The following SLAIN1 variants were observed in gnomAD, a reference collection of about 807,000 sequenced individuals.
The protein encoded by SLAIN1 is SLAIN motif-containing protein 1.
Under a neutral mutation model 55.4 loss-of-function variants are expected in SLAIN1, and 17 were observed. The ratio of observed to expected loss-of-function variants is 0.31; its 90% CI spans 0.21 to 0.46. The LOEUF is 0.46. Among genes scored for constraint, SLAIN1 ranks in the 20% least tolerant of loss-of-function variants. The pLI is 1.00. For synonymous variants in SLAIN1, 348 were observed against 337.4 expected (o/e 1.03, Z -0.35); for missense variants, 682 against 785.1 (o/e 0.87, Z 1.57).
At chr13:77,708,810 A>G (rs1358185934) in intron 1 of SLAIN1, among the ~76,000 whole-genome samples, 1 of 152,238 alleles carries the variant, frequency 6.6e-6, no homozygotes, top group East Asian at 1.9e-4. Flanking sequence ...TGAGGAAAAA[A>G]CAGTGCAAAA....
At chr13:77,730,677 A>C (rs1416968404) in intron 2 of SLAIN1, among the ~76,000 whole-genome samples, 1 of 152,064 alleles carries the variant, frequency 6.6e-6, no homozygotes, top group African/African-American at 2.4e-5. Context: ...TTCTACTGTC[A>C]TAGTTGTAAG....
Position 77,744,265 on chromosome 13 carries a change from T to G in SLAIN1, c.767-18T>G, listed in dbSNP as rs1234590977. 6.4e-7 allele frequency: 1 copy of G among 1,564,606 alleles called. No individual in the cohort carries two copies. Among genetic ancestry groups the G allele is most frequent in the Admixed American group, 1.7e-5 (1 of 59,738 alleles). ...CAGTCCTGCAGATGGAAGAACACAC[T>G]TTTCCTTTGTGTTTCAGGTTACACT... is the stretch of plus-strand genomic sequence containing the variant. On this transcript the variant is annotated intron_variant, in intron 2 of 6. Coordinates refer to ENST00000418532, the MANE Select transcript of SLAIN1 (RefSeq NM_001242868.2).
chr13:77,745,553 G>A (rs1249893542), intron 3 of SLAIN1, among the ~76,000 whole-genome samples: 1 of 151,960 alleles, frequency 6.6e-6, no homozygotes, highest in Non-Finnish European at 1.5e-5. Context: ...CTAGTTGAAG[G>A]GCATTAATGG....
At chr13:77,754,578 C>T (rs1348750514) in intron 5 of SLAIN1, among the ~76,000 whole-genome samples, 1 of 152,166 alleles carries the variant, frequency 6.6e-6, no homozygotes, top group Non-Finnish European at 1.5e-5. Flanking sequence ...TAGCATTCTT[C>T]CTTTTCCTTC....
intron 1 of SLAIN1, among the ~76,000 whole-genome samples, chr13:77,701,161 A>G (rs971273585): frequency 6.6e-5 from 10 of 152,172 alleles, no homozygotes; most frequent in African/African-American, 2.4e-4. Context: ...ACAGTTTTTC[A>G]TGCATTTTTT....
At chr13:77,728,967 G>A (rs551620304) in intron 2 of SLAIN1, among the ~76,000 whole-genome samples, 2 of 152,284 alleles carry the variant, frequency 1.3e-5, no homozygotes, top group Non-Finnish European at 2.9e-5. Flanking sequence ...GAATCATATT[G>A]GAATTTTTGT....
At chr13:77,727,270 A>ATGTATGTG (rs2091315625) in intron 2 of SLAIN1, among the ~76,000 whole-genome samples, 1 of 152,120 alleles carries the variant, frequency 6.6e-6, no homozygotes, top group African/African-American at 2.4e-5. Context: ...TTAGTTGTTA[A>ATGTATGTG]TGTATGTGAC....
At chr13:77,733,048 T>C (rs986923288) in intron 2 of SLAIN1, among the ~76,000 whole-genome samples, 6 of 152,150 alleles carry the variant, frequency 3.9e-5, no homozygotes, top group Non-Finnish European at 8.8e-5. Flanking sequence ...TAAGATTATG[T>C]TTCCTATTAA....
intron 2 of SLAIN1, among the ~76,000 whole-genome samples, chr13:77,725,817 T>C (rs1458500924): frequency 6.6e-6 from 1 of 152,244 alleles, no homozygotes; most frequent in Middle Eastern, 3.4e-3. Context: ...CCTCCTTGTT[T>C]ATGGAGTAAG....
intron 2 of SLAIN1, among the ~76,000 whole-genome samples, chr13:77,740,717 TGA>T (rs1873380325): frequency 1.3e-5 from 2 of 152,026 alleles, no homozygotes; most frequent in African/African-American, 4.8e-5. Context: ...AAAAATCCAC[TGA>T]GATAATTGGT....
chr13:77,743,323 T>C (rs540856442), intron 2 of SLAIN1: 2 of 427,624 alleles, frequency 4.7e-6, no homozygotes, highest in African/African-American at 4.3e-5. Context: ...TAGCACTAAT[T>C]TGTACTCTAA....
intron 5 of SLAIN1, among the ~76,000 whole-genome samples, chr13:77,759,506 G>C (rs1313226584): frequency 1.3e-5 from 2 of 151,866 alleles, no homozygotes; most frequent in Non-Finnish European, 2.9e-5. Context: ...TGTTGTGAAG[G>C]ACGTTTTGTT....
At chr13:77,699,002 TTCC>T (rs1471504118) in intron 1 of SLAIN1, 1 of 1,535,078 alleles carries the variant, frequency 6.5e-7, no homozygotes, top group Admixed American at 2.0e-5. Context: ...TTGCGTGCTC[TTCC>T]TCCTCGGGTG....
At chr13:77,755,738 A>G (rs1048225107) in intron 5 of SLAIN1, among the ~76,000 whole-genome samples, 2 of 152,220 alleles carry the variant, frequency 1.3e-5, no homozygotes, top group Non-Finnish European at 2.9e-5. Context: ...TGCGTGTAAA[A>G]GCAATGAGGA....
chr13:77,698,602 C>A lies in SLAIN1; in HGVS notation c.626+63C>A. The A allele has an allele frequency of 7.5e-7, 1 of 1,335,562 alleles. No homozygotes were observed. Among genetic ancestry groups the A allele is most frequent in the Non-Finnish European group, 9.5e-7 (1 of 1,047,540 alleles). The allele number at this position is 1,335,562 out of a possible 1,614,324, so 82.7% of individuals were successfully genotyped here. A position where few individuals can be genotyped will look rare whatever the true frequency, so the allele number is the denominator to read the frequency against. On this transcript the variant is annotated intron_variant, in intron 1 of 6. Coordinates refer to ENST00000418532, the MANE Select transcript of SLAIN1 (RefSeq NM_001242868.2). The surrounding 1 kb of genome is among the most constrained non-coding windows in gnomAD (Gnocchi z 4.1). ...CTCGGGGGCTTCGGGCACCGGGGAG[C>A]GGGGGCGGGGGGCGGACGGGGGTCC...
intron 5 of SLAIN1, among the ~76,000 whole-genome samples, chr13:77,757,641 A>T (rs1384872002): frequency 1.3e-5 from 2 of 152,046 alleles, no homozygotes; most frequent in Admixed American, 1.3e-4. Flanking sequence ...ATGCCTTTAC[A>T]TCCTCATAGC....
intron 3 of SLAIN1, among the ~76,000 whole-genome samples, chr13:77,745,394 C>A (rs1408556879): frequency 1.3e-5 from 2 of 151,898 alleles, no homozygotes; most frequent in Non-Finnish European, 2.9e-5. Flanking sequence ...TTAAGCACTG[C>A]ATGTGAGTCT....
In SLAIN1 at chr13:77,718,413, T is replaced by C. The variant is rs528129752; in HGVS notation, c.627-1119T>C. On this transcript the variant is annotated intron_variant, in intron 1 of 6. Coordinates refer to ENST00000418532, the MANE Select transcript of SLAIN1 (RefSeq NM_001242868.2). ...GGCTGAGTAGTTGTGACAGAGATCATGTGGCTTACAAAGCCTGAAATATTT... is the reference window on the plus strand; with the variant it reads ...GGCTGAGTAGTTGTGACAGAGATCACGTGGCTTACAAAGCCTGAAATATTT... Among the ~76,000 whole-genome samples, 14 of 152,284 alleles carry C rather than the reference T, an allele frequency of 9.2e-5. No homozygotes were observed. In the East Asian group the frequency reaches 1.5e-3, roughly 17 times the overall value.
At chr13:77,721,097 C>T (rs1167547057) in intron 2 of SLAIN1, among the ~76,000 whole-genome samples, 1 of 152,146 alleles carries the variant, frequency 6.6e-6, no homozygotes, top group Non-Finnish European at 1.5e-5. Context: ...TTGTAATCCT[C>T]ACATGTAGAG....
Sources: gnomAD v4.1 joint callset for allele counts (sites outside exome capture counted in the v4.1 genomes callset) on GRCh38, gnomAD v4.1.1 for gene constraint, Gnocchi (gnomAD v3.1) non-coding constraint, MANE v1.5 for transcripts, NCBI Gene and HGNC (gene_info 2026-07-23, HGNC 2026-07-21) for gene names.